The following ADAMTS9 variants were observed in gnomAD, a reference collection of about 807,000 sequenced individuals.
ADAMTS9 encodes A disintegrin and metalloproteinase with thrombospondin motifs 9.
Under a neutral mutation model 257.1 loss-of-function variants are expected in ADAMTS9, and 107 were observed. The ratio of observed to expected loss-of-function variants is 0.42; its 90% CI spans 0.36 to 0.49. The LOEUF (loss-of-function observed/expected upper bound fraction) is 0.49, where lower values mean the gene tolerates loss of function less well. Ranked by LOEUF, ADAMTS9 falls within the 20% of genes least tolerant of loss-of-function variation. ADAMTS9 has a pLI of 0.03. For missense variants in ADAMTS9, 2,353 were observed against 2,469.1 expected, an observed-to-expected ratio of 0.95 and a Z score of 1.00; for synonymous variants, 982 against 880.9, an observed-to-expected ratio of 1.11 and a Z score of -2.03.
At chr3:64,580,360 C>G (rs532471072) in intron 28 of ADAMTS9, among the ~76,000 whole-genome samples, 1 of 152,222 alleles carries the variant, frequency 6.6e-6, no homozygotes, top group South Asian at 2.1e-4. Flanking sequence ...AAAACCAATA[C>G]CGAGCCCAAG....
intron 28 of ADAMTS9, among the ~76,000 whole-genome samples, chr3:64,575,934 A>T (rs2083832602): frequency 6.6e-6 from 1 of 152,216 alleles, no homozygotes; most frequent in Non-Finnish European, 1.5e-5. Context: ...GTTTAAAAAA[A>T]TTTTGTTAAC....
In ADAMTS9 at chr3:64,533,289, A is replaced by C. The variant is rs763603261; in HGVS notation, c.5614-19T>G. On this transcript the variant is annotated intron_variant, in intron 37 of 39. Transcript: ENST00000498707. ...AACGACCCTGGAAAACACGACCAAC[A>C]AAAGAGATTTTCAGTCCATGTGATG... 3.1e-6 allele frequency: 5 copies of C among 1,604,592 alleles called. No homozygotes were observed. Among genetic ancestry groups the C allele is most frequent in the African/African-American group, 2.7e-5 (2 of 74,764 alleles).
rs2083116622 is a variant in ADAMTS9 at position 64,541,173 on chromosome 3, A to G, written c.5443T>C (p.Cys1815Arg). Residue 1815 changes from cysteine to arginine, a missense_variant, in exon 36 of 40, where the codon TGT (cysteine) becomes CGT (arginine). Cys to Arg is a radical substitution (Grantham distance 180). Around this residue, in one of 3 missense-constraint regions of ADAMTS9, gnomAD observed 1,402 missense variants for 1,441.4 expected, o/e 0.97. Transcript: ENST00000498707. ...YNGSRRDDCQ[C>R]RKDYTAAGFS... is the part of the protein sequence containing the mutation. ...CCAGCGGCCGTGTAATCCTTCCGAC[A>G]TTGGCAGTCATCGCGCCGGCTCCCG... 1.9e-6 allele frequency: 3 copies of G among 1,614,132 alleles called. No individual in the cohort carries two copies. Among genetic ancestry groups the G allele is most frequent in the Non-Finnish European group, 2.5e-6 (3 of 1,180,012 alleles).
intron 8 of ADAMTS9, among the ~76,000 whole-genome samples, chr3:64,651,554 C>T (rs774515155): frequency 3.3e-5 from 5 of 152,016 alleles, no homozygotes; most frequent in Non-Finnish European, 4.4e-5. Context: ...CTTATGATAA[C>T]GTGAATATAA....
At chr3:64,558,953 C>T (rs1339466144) in intron 30 of ADAMTS9, among the ~76,000 whole-genome samples, 1 of 152,080 alleles carries the variant, frequency 6.6e-6, no homozygotes, top group Non-Finnish European at 1.5e-5. Flanking sequence ...CAGTGGATAT[C>T]AGGTAAAACG....
At chr3:64,540,030 C>A (rs1375945826) in intron 36 of ADAMTS9, among the ~76,000 whole-genome samples, 1 of 152,186 alleles carries the variant, frequency 6.6e-6, no homozygotes, top group African/African-American at 2.4e-5. Context: ...CATCTTTCTG[C>A]CTCGTCTTTC....
intron 30 of ADAMTS9, 129 bp downstream of exon 30, chr3:64,561,449 C>A (rs2083421224): frequency 1.1e-5 from 12 of 1,075,996 alleles, no homozygotes; most frequent in African/African-American, 8.0e-5. Context: ...GACAGTGAAC[C>A]TTTTGGGAAA....
chr3:64,607,447 A>C (rs1246060250), intron 22 of ADAMTS9, among the ~76,000 whole-genome samples: 3 of 152,198 alleles, frequency 2.0e-5, no homozygotes, highest in Non-Finnish European at 4.4e-5. Flanking sequence ...TTTGACTTCT[A>C]GGAAATTATC....
At chr3:64,657,691 G>A (rs1204366238) in intron 4 of ADAMTS9, among the ~76,000 whole-genome samples, 1 of 130,304 alleles carries the variant, frequency 7.7e-6, no homozygotes, top group Non-Finnish European at 1.7e-5. Flanking sequence ...TTAAAATTAG[G>A]AATTTTTTTT....
At chr3:64,517,419 T>TTTTG (rs2082791586) in intron 39 of ADAMTS9, among the ~76,000 whole-genome samples, 3 of 119,780 alleles carry the variant, frequency 2.5e-5, no homozygotes, top group Admixed American at 1.8e-4. Flanking sequence ...AAAAATGGTT[T>TTTTG]TTTTTTTTTT....
In ADAMTS9 at chr3:64,529,724, C is replaced by CA. The variant is rs370399591; in HGVS notation, c.5718+3441dup. Among the ~76,000 whole-genome samples, 22 of 152,282 alleles carry CA rather than the reference C, an allele frequency of 1.4e-4. No individual in the cohort carries two copies. The East Asian group carries it at 4.2e-3, about 29-fold the overall frequency. On this transcript the variant is annotated intron_variant, in intron 38 of 39. Coordinates refer to ENST00000498707, the MANE Select transcript of ADAMTS9 (RefSeq NM_182920.2). ...TGGCTTCATTTAGGTTAGTGGTTCT[C>CA]AAAATGTGACTCCAGATCAGGGGCA... is the stretch of plus-strand genomic sequence containing the variant.
chr3:64,669,035 C>A (rs1354937553), intron 3 of ADAMTS9, among the ~76,000 whole-genome samples: 1 of 152,102 alleles, frequency 6.6e-6, no homozygotes, highest in East Asian at 1.9e-4. Context: ...AGTGAGTGAC[C>A]ACAGGGGCAT....
chr3:64,599,205 G>A (rs1251565348), intron 26 of ADAMTS9, among the ~76,000 whole-genome samples: 2 of 152,166 alleles, frequency 1.3e-5, no homozygotes, highest in Non-Finnish European at 2.9e-5. Flanking sequence ...ATGAAGTATT[G>A]TACATAACCT....
intron 3 of ADAMTS9, among the ~76,000 whole-genome samples, chr3:64,668,210 C>A (rs1701395684): frequency 6.6e-6 from 1 of 152,174 alleles, no homozygotes; most frequent in Admixed American, 6.5e-5. Context: ...ATGCAAGCCA[C>A]ACGTGAAAGT....
chr3:64,631,533 G>A lies in ADAMTS9; in HGVS notation c.2311C>T (p.Arg771Ter). 2 of 1,613,936 alleles carry A rather than the reference G, an allele frequency of 1.2e-6. No homozygotes were observed. The highest frequency in any genetic ancestry group is 1.7e-6 in the Non-Finnish European group (2 of 1,179,868). Residue 771 changes from arginine (R) to a stop codon, truncating the protein, a stop_gained, in exon 16 of 40, where the codon CGA becomes TGA. Transcript: ENST00000498707. LOFTEE classifies it high-confidence loss of function. ...ATATTGGTAGCACCAGCTGGAATTCGGACCACAGTATTGTAACCTGAAAAG... is the reference window on the plus strand; with the variant it reads ...ATATTGGTAGCACCAGCTGGAATTCAGACCACAGTATTGTAACCTGAAAAG... Reference protein sequence around the residue: ...TVHYGYNTVVRIPAGATNIDV... With the variant: ...TVHYGYNTVV
chr3:64,677,753 A>T (rs536819648), intron 3 of ADAMTS9, among the ~76,000 whole-genome samples: 9 of 152,130 alleles, frequency 5.9e-5, no homozygotes, highest in Non-Finnish European at 1.3e-4. Flanking sequence ...CTCACTTTAT[A>T]TTCTAAAGTG....
rs758664545 is a variant in ADAMTS9 at position 64,613,381 on chromosome 3, C to A, written c.3318G>T (p.Pro1106=). The A allele has an allele frequency of 6.2e-7, 1 of 1,613,790 alleles. No homozygotes were observed. The highest frequency in any genetic ancestry group is 8.5e-7 in the Non-Finnish European group (1 of 1,179,826). The change falls in exon 22 of 40, where the codon CCG becomes CCT. Residue 1106 remains proline (P), a synonymous_variant. Transcript: ENST00000498707. ...GACCCGCCTGCCAGGATGCACATTC[C>A]GGCTGCTGACAAGTCTGCATAGATG... ...KPTSMQTCQQ[P]ECASWQAGPW... is the part of the protein sequence containing the mutation.
intron 32 of ADAMTS9, among the ~76,000 whole-genome samples, chr3:64,545,872 A>C (rs572116822): frequency 6.6e-6 from 1 of 152,178 alleles, no homozygotes; most frequent in African/African-American, 2.4e-5. Flanking sequence ...CTGGGATTAC[A>C]GGTGTGAGCT....
chr3:64,686,492 G>A lies in ADAMTS9; in HGVS notation c.516+76C>T. The stretch of plus-strand genomic sequence containing the variant: ...GCCTCGCCACAGTGAGGGTCTCTAG[G>A]CTTAGAGGACAATTAAGTCTTCTAG... On this transcript the variant is annotated intron_variant, in intron 2 of 39. Coordinates refer to ENST00000498707, the MANE Select transcript of ADAMTS9 (RefSeq NM_182920.2). The surrounding 1 kb of genome is among the most constrained non-coding windows in gnomAD (Gnocchi z 4.6). 1 of 1,479,474 alleles carries A rather than the reference G, an allele frequency of 6.8e-7. No homozygotes were observed. The highest frequency in any genetic ancestry group is 9.0e-7 in the Non-Finnish European group (1 of 1,107,758). 91.6% of individuals were successfully genotyped at this position (1,479,474 alleles called of 1,614,324 possible). A position where few individuals can be genotyped will look rare whatever the true frequency, so the allele number is the denominator to read the frequency against.
Sources: gnomAD v4.1 joint callset for allele counts (sites outside exome capture counted in the v4.1 genomes callset) on GRCh38, gnomAD v4.1.1 for gene constraint, gnomAD v4.1.1 regional missense constraint, Gnocchi (gnomAD v3.1) non-coding constraint, MANE v1.5 for transcripts, NCBI Gene and HGNC (gene_info 2026-07-23, HGNC 2026-07-21) for gene names.